The following SMAD7 variants were observed in gnomAD, a reference collection of about 807,000 sequenced individuals.
SMAD7 encodes the protein SMAD family member 7, also known as MAD (mothers against decapentaplegic, Drosophila) homolog 7.
A neutral mutation model predicts 38.7 loss-of-function variants in SMAD7; 8 were observed. The observed-to-expected ratio is 0.21, with a 90% CI of 0.12 to 0.37. The LOEUF (loss-of-function observed/expected upper bound fraction) is 0.37. Ranked by LOEUF, SMAD7 falls within the 10% of genes least tolerant of loss-of-function variation. The pLI is 1.00. For synonymous variants in SMAD7, 327 were observed against 265.1 expected (o/e 1.23, Z -2.27); for missense variants, 477 against 577.9 (o/e 0.83, Z 1.79).
intron 2 of SMAD7, chr18:48,942,838 C>G: frequency 8.3e-7 from 1 of 1,206,842 alleles, no homozygotes; most frequent in Non-Finnish European, 1.0e-6. Context: ...TACCAGTCCC[C>G]CATTACGGAT....
intron 3 of SMAD7, among the ~76,000 whole-genome samples, chr18:48,932,831 C>G (rs769379707): frequency 6.6e-6 from 1 of 152,174 alleles, no homozygotes; most frequent in Non-Finnish European, 1.5e-5. Flanking sequence ...GTCTTCGTTG[C>G]GAATCAAGTC....
chr18:48,949,737 A>G, intron 1 of SMAD7, 75 bp downstream of exon 1: 1 of 1,459,910 alleles, frequency 6.8e-7, no homozygotes, highest in Non-Finnish European at 9.1e-7. Context: ...GGCTGCACAA[A>G]CGCACTGCCC....
At chr18:48,942,006 C>T (rs1311854151) in intron 3 of SMAD7, among the ~76,000 whole-genome samples, 1 of 152,156 alleles carries the variant, frequency 6.6e-6, no homozygotes, top group Admixed American at 6.5e-5. Context: ...GGAATCAGAA[C>T]TTGGGAGGGA....
intron 3 of SMAD7, among the ~76,000 whole-genome samples, chr18:48,935,196 G>A (rs994931678): frequency 6.6e-6 from 1 of 152,130 alleles, no homozygotes; most frequent in Non-Finnish European, 1.5e-5. Flanking sequence ...TCCCCCAAGT[G>A]AGCCAACAGG....
At chr18:48,932,731 G>A (rs2070017148) in intron 3 of SMAD7, among the ~76,000 whole-genome samples, 1 of 152,216 alleles carries the variant, frequency 6.6e-6, no homozygotes, top group Admixed American at 6.5e-5. Context: ...AGACAGGCCA[G>A]GGCCTCACAC....
intron 3 of SMAD7, among the ~76,000 whole-genome samples, chr18:48,930,717 G>GT (rs766118413): frequency 2.3e-4 from 35 of 151,940 alleles, no homozygotes; most frequent in Non-Finnish European, 4.0e-4. Context: ...ATCGGTGTGT[G>GT]CCGACACATG....
chr18:48,920,269 T>C lies in SMAD7; in HGVS notation c.*1103A>G, dbSNP rs1215922814. ...AGCTTATGTTAAAGTCTAAACATGC[T>C]CATTGAGCTAAGAACAGTGTCGAAG... On this transcript the variant is annotated 3_prime_UTR_variant, in exon 4 of 4. Transcript: ENST00000262158. 1.3e-5 allele frequency: 2 copies of C among 152,654 alleles called. No homozygotes were observed. The highest frequency in any genetic ancestry group is 2.9e-5 in the Non-Finnish European group (2 of 68,044). 9.5% of individuals were successfully genotyped at this position (152,654 alleles called of 1,614,324 possible). A position where few individuals can be genotyped will look rare whatever the true frequency, so the allele number is the denominator to read the frequency against.
intron 2 of SMAD7, among the ~76,000 whole-genome samples, chr18:48,947,901 C>A (rs556739618): frequency 7.3e-5 from 11 of 150,704 alleles, no homozygotes; most frequent in South Asian, 2.2e-4. Flanking sequence ...TACCCCCCCC[C>A]CCCTTTTACT....
chr18:48,941,445 C>T (rs1182865895), intron 3 of SMAD7, among the ~76,000 whole-genome samples: 2 of 152,174 alleles, frequency 1.3e-5, no homozygotes, highest in African/African-American at 4.8e-5. Context: ...TTTGCCTGAG[C>T]CAGCCATGGA....
rs371892467 is a variant in SMAD7, at chr18:48,922,883, CA to C, written c.743-974del. On this transcript the variant is annotated intron_variant, in intron 3 of 3. Transcript: ENST00000262158. Reference sequence around the variant, plus strand: ...CTTCCCTACACAGTCTTCCCACAGGCAGCCTGGGGGCCGGGGTGATTCTGGT... The same window carrying C: ...CTTCCCTACACAGTCTTCCCACAGGCGCCTGGGGGCCGGGGTGATTCTGGT... 9.2e-4 allele frequency among the ~76,000 whole-genome samples: 140 copies of C among 152,288 alleles called. 1 individual carries two copies. The highest frequency in any genetic ancestry group is 3.1e-3 in the African/African-American group (130 of 41,560).
intron 3 of SMAD7, among the ~76,000 whole-genome samples, chr18:48,929,068 C>T (rs2069962014): frequency 6.8e-6 from 1 of 147,998 alleles, no homozygotes; most frequent in Non-Finnish European, 1.5e-5. Context: ...GGACTCCCGA[C>T]CCAGCCAACT....
At chr18:48,948,514 T>A (rs1351668008) in intron 1 of SMAD7, 77 bp from the exon 2 acceptor site, 13 of 1,034,728 alleles carry the variant, frequency 1.3e-5, no homozygotes, top group African/African-American at 3.3e-5. Context: ...ACAGAGGCAT[T>A]CTTTTAGCCC....
At chr18:48,939,775 A>C (rs2070115821) in intron 3 of SMAD7, among the ~76,000 whole-genome samples, 1 of 151,932 alleles carries the variant, frequency 6.6e-6, no homozygotes, top group South Asian at 2.1e-4. Context: ...AGGTTATTTC[A>C]AGGAGGAGGA....
intron 2 of SMAD7, among the ~76,000 whole-genome samples, chr18:48,946,431 G>T (rs551880096): frequency 1.0e-5 from 1 of 95,868 alleles, no homozygotes; most frequent in Non-Finnish European, 2.6e-5. Flanking sequence ...TGAGGGGGGC[G>T]GGGGGGGTGT....
intron 2 of SMAD7, among the ~76,000 whole-genome samples, chr18:48,945,424 T>C (rs1347402894): frequency 3.3e-5 from 5 of 151,380 alleles, no homozygotes; most frequent in East Asian, 2.0e-4. Context: ...ATCGGGCCAC[T>C]GCACTCCAGC....
intron 3 of SMAD7, among the ~76,000 whole-genome samples, chr18:48,927,115 A>G (rs2069937768): frequency 6.6e-6 from 1 of 152,078 alleles, no homozygotes; most frequent in Admixed American, 6.6e-5. Flanking sequence ...GCTCCCTCAG[A>G]CTCCTCAGGA....
intron 3 of SMAD7, among the ~76,000 whole-genome samples, chr18:48,929,870 AG>A (rs552930352): frequency 2.3e-4 from 35 of 152,050 alleles, no homozygotes; most frequent in Middle Eastern, 3.4e-3. Flanking sequence ...ACTCCACTCC[AG>A]TTTCTAGAGG....
chr18:48,950,458 C>A lies in SMAD7; in HGVS notation c.-34G>T, dbSNP rs768986962. 111 of 1,535,422 alleles carry A rather than the reference C, an allele frequency of 7.2e-5. No individual in the cohort carries two copies. The highest frequency in any genetic ancestry group is 9.3e-5 in the Non-Finnish European group (106 of 1,142,792). ...AGGAGGCGAGGAGAAAAGTCGTTTG[C>A]CTGCTAAGGAGCGAACATGACCTCC... On this transcript the variant is annotated 5_prime_UTR_variant, in exon 1 of 4. Transcript: ENST00000262158.
At chr18:48,945,168 G>C (rs2070182114) in intron 2 of SMAD7, among the ~76,000 whole-genome samples, 1 of 152,176 alleles carries the variant, frequency 6.6e-6, no homozygotes, top group South Asian at 2.1e-4. Flanking sequence ...GGTTATAAAA[G>C]AACACAGCAC....
Sources: gnomAD v4.1 joint callset for allele counts (sites outside exome capture counted in the v4.1 genomes callset) on GRCh38, gnomAD v4.1.1 for gene constraint, MANE v1.5 for transcripts, NCBI Gene and HGNC (gene_info 2026-07-23, HGNC 2026-07-21) for gene names.